Variants in STX8 observed in about 807,000 individuals in gnomAD.
STX8 encodes the protein syntaxin 8, also known as syntaxin-8.
STX8 carries 23 observed loss-of-function variants against 37.5 expected under a neutral mutation model. The ratio of observed to expected loss-of-function variants is 0.61; its 90% CI spans 0.44 to 0.87. The LOEUF (loss-of-function observed/expected upper bound fraction) is 0.87, where lower values mean the gene tolerates loss of function less well. STX8 is among the 40% of genes least tolerant of loss of function. The pLI, the probability that STX8 is intolerant of heterozygous loss-of-function variation, is 0.00. For missense variants in STX8, 313 were observed against 284.7 expected, an observed-to-expected ratio of 1.10 and a Z score of -0.71; for synonymous variants, 115 against 99.1, an observed-to-expected ratio of 1.16 and a Z score of -0.95.
intron 7 of STX8, among the ~76,000 whole-genome samples, chr17:9,372,981 G>GT (rs1284396481): frequency 1.3e-5 from 2 of 150,850 alleles, no homozygotes; most frequent in African/African-American, 4.9e-5. Flanking sequence ...GTGCATGCCT[G>GT]TAATCCCAGC....
At chr17:9,388,368 G>A (rs1175602665) in intron 6 of STX8, among the ~76,000 whole-genome samples, 5 of 150,772 alleles carry the variant, frequency 3.3e-5, no homozygotes, top group African/African-American at 4.9e-5. Context: ...CACCATGCCC[G>A]GCCTAAACAA....
chr17:9,303,230 G>T (rs1215553792), intron 7 of STX8, among the ~76,000 whole-genome samples: 1 of 152,192 alleles, frequency 6.6e-6, no homozygotes, highest in African/African-American at 2.4e-5. Context: ...GGCGGAGGTT[G>T]CAGTGAGCTG....
At chr17:9,376,110 T>C (rs1031026034) in intron 7 of STX8, among the ~76,000 whole-genome samples, 26 of 152,134 alleles carry the variant, frequency 1.7e-4, no homozygotes, top group Non-Finnish European at 4.4e-5. Flanking sequence ...AGTGAACTCA[T>C]ATTGAGAGGT....
At chr17:9,273,067 G>A (rs1009012665) in intron 7 of STX8, among the ~76,000 whole-genome samples, 5 of 152,268 alleles carry the variant, frequency 3.3e-5, no homozygotes, top group African/African-American at 7.2e-5. Flanking sequence ...GCCCTTTGGC[G>A]AGGCGAAAGC....
At chr17:9,322,541 A>T (rs758495145) in intron 7 of STX8, among the ~76,000 whole-genome samples, 5 of 152,064 alleles carry the variant, frequency 3.3e-5, no homozygotes, top group Non-Finnish European at 7.4e-5. Context: ...AAAGCCACAG[A>T]TCTCCTCTGC....
intron 4 of STX8, among the ~76,000 whole-genome samples, chr17:9,535,065 C>T (rs914732186): frequency 3.3e-5 from 5 of 151,996 alleles, no homozygotes; most frequent in Non-Finnish European, 7.4e-5. Flanking sequence ...GTAGGAAAAA[C>T]GTAGGATTCA....
chr17:9,453,487 CTTTT>C (rs1168841037), intron 6 of STX8, among the ~76,000 whole-genome samples: 17,848 of 111,484 alleles, frequency 0.16, 1,179 homozygotes, highest in East Asian at 0.52. Flanking sequence ...CACTACTCAT[CTTTT>C]TTTTTTTTTT....
At chr17:9,344,714 T>C (rs1403736360) in intron 7 of STX8, among the ~76,000 whole-genome samples, 1 of 151,798 alleles carries the variant, frequency 6.6e-6, no homozygotes, top group Non-Finnish European at 1.5e-5. Flanking sequence ...ACTCAGGTCA[T>C]AACATCACTT....
intron 2 of STX8, among the ~76,000 whole-genome samples, chr17:9,564,677 A>G (rs1218745619): frequency 6.6e-6 from 1 of 152,352 alleles, no homozygotes; most frequent in East Asian, 1.9e-4. Context: ...AAGAAGAACT[A>G]CAAAACACTG....
At chr17:9,400,109 T>TA (rs1008511270) in intron 6 of STX8, among the ~76,000 whole-genome samples, 1 of 133,222 alleles carries the variant, frequency 7.5e-6, no homozygotes, top group Non-Finnish European at 1.7e-5. Flanking sequence ...TGTTATTATT[T>TA]TTTTTTTTTT....
Position 9,454,084 on chromosome 17 carries a change from T to A in STX8, c.541+37745A>T, listed in dbSNP as rs377157457. Among the ~76,000 whole-genome samples, 107 of 152,352 alleles carry A rather than the reference T, an allele frequency of 7.0e-4. 3 individuals carry two copies. In the South Asian group the frequency reaches 0.022, roughly 32 times the overall value. On this transcript the variant is annotated intron_variant, in intron 6 of 7. Coordinates refer to ENST00000306357, the MANE Select transcript of STX8 (RefSeq NM_004853.3). ...ATATGTTTTCTACATTATATATACA[T>A]CATTAAATAAATTGAATATCATATT...
intron 6 of STX8, among the ~76,000 whole-genome samples, chr17:9,413,023 T>C (rs1395889486): frequency 6.6e-6 from 1 of 152,174 alleles, no homozygotes; most frequent in Admixed American, 6.5e-5. Flanking sequence ...GTGTTAGGCA[T>C]TGGGCTAAGT....
At chr17:9,440,899 T>C (rs988047275) in intron 6 of STX8, among the ~76,000 whole-genome samples, 4 of 152,030 alleles carry the variant, frequency 2.6e-5, no homozygotes, top group African/African-American at 7.3e-5. Flanking sequence ...AAATGCCGGC[T>C]CCATATCCTA....
intron 4 of STX8, among the ~76,000 whole-genome samples, chr17:9,506,466 A>G (rs1292269845): frequency 1.5e-5 from 2 of 136,268 alleles, no homozygotes; most frequent in Middle Eastern, 3.8e-3. Context: ...TAAACAGCTA[A>G]GATTTGACTT....
At chr17:9,496,470 A>G (rs1904412043) in intron 5 of STX8, among the ~76,000 whole-genome samples, 1 of 152,196 alleles carries the variant, frequency 6.6e-6, no homozygotes, top group Non-Finnish European at 1.5e-5. Context: ...ATGATATCAC[A>G]AGAGGGCAAT....
chr17:9,369,886 CAAAAAAAAAA>C (rs60178482), intron 7 of STX8, among the ~76,000 whole-genome samples: 1,231 of 52,180 alleles, frequency 0.024, 45 homozygotes, highest in African/African-American at 0.073. Context: ...GACCCTGTAC[CAAAAAAAAAA>C]AAAAAAAAAA....
chr17:9,405,892 A>G (rs986822523), intron 6 of STX8, among the ~76,000 whole-genome samples: 3 of 152,238 alleles, frequency 2.0e-5, no homozygotes, highest in African/African-American at 7.2e-5. Flanking sequence ...GCTTTAGATC[A>G]GATCCTTCAC....
chr17:9,460,538 T>C (rs926361317), intron 6 of STX8, among the ~76,000 whole-genome samples: 1 of 151,632 alleles, frequency 6.6e-6, no homozygotes, highest in African/African-American at 2.4e-5. Context: ...CTGGGCCTGG[T>C]GGTGGGCGCC....
chr17:9,276,620 A>G (rs531317278), intron 7 of STX8, among the ~76,000 whole-genome samples: 11 of 147,366 alleles, frequency 7.5e-5, no homozygotes, highest in East Asian at 6.1e-4. Flanking sequence ...TTGTTTGTTT[A>G]TTTGTTTGTT....
Sources: allele counts gnomAD v4.1 joint callset (sites outside exome capture counted in the v4.1 genomes callset), GRCh38; gene constraint gnomAD v4.1.1; transcripts MANE v1.5; gene names NCBI Gene and HGNC (gene_info 2026-07-23, HGNC 2026-07-21).